Variants in CLSTN2 observed in about 807,000 individuals in gnomAD.
CLSTN2 encodes the protein calsyntenin 2.
CLSTN2 carries 48 observed loss-of-function variants against 101.2 expected under a neutral mutation model. The ratio of observed to expected loss-of-function variants is 0.47; its 90% CI spans 0.38 to 0.60. The LOEUF (loss-of-function observed/expected upper bound fraction) is 0.60. Ranked by LOEUF, CLSTN2 falls within the 20% of genes least tolerant of loss-of-function variation. The pLI is 0.00. For missense variants in CLSTN2, 1,160 were observed against 1,238.2 expected (o/e 0.94, Z 0.95); for synonymous variants, 481 against 463.6 (o/e 1.04, Z -0.48).
rs551872080 is a variant in CLSTN2 at position 140,495,725 on chromosome 3, T to C, written c.1344+28994T>C. Reference sequence around the variant, plus strand: ...GCACCATTTATTAAATAGGGAATCCTTTCCCCATTGCTTATTTCTGCAAGG... The same window carrying C: ...GCACCATTTATTAAATAGGGAATCCCTTCCCCATTGCTTATTTCTGCAAGG... On this transcript the variant is annotated intron_variant, in intron 8 of 16. Coordinates refer to ENST00000458420, the MANE Select transcript of CLSTN2 (RefSeq NM_022131.3). 9.2e-5 allele frequency among the ~76,000 whole-genome samples: 14 copies of C among 152,356 alleles called. No individual in the cohort carries two copies. The South Asian group carries it at 2.3e-3, about 25-fold the overall frequency.
intron 1 of CLSTN2, among the ~76,000 whole-genome samples, chr3:140,138,941 G>C (rs1004525484): frequency 6.6e-5 from 10 of 152,224 alleles, no homozygotes; most frequent in Admixed American, 3.3e-4. Context: ...ATGGTATTTA[G>C]AACAGAGAAA....
intron 6 of CLSTN2, among the ~76,000 whole-genome samples, chr3:140,453,595 C>T (rs1933305184): frequency 6.6e-6 from 1 of 152,118 alleles, no homozygotes; most frequent in South Asian, 2.1e-4. Context: ...TTCAAAATAG[C>T]TAGAAGAAAG....
At chr3:140,190,302 A>G (rs1472409142) in intron 2 of CLSTN2, among the ~76,000 whole-genome samples, 1 of 152,102 alleles carries the variant, frequency 6.6e-6, no homozygotes, top group African/African-American at 2.4e-5. Flanking sequence ...AAAATTATAT[A>G]GTCTTGATTA....
At chr3:140,262,096 T>C (rs1175367576) in intron 2 of CLSTN2, among the ~76,000 whole-genome samples, 1 of 152,370 alleles carries the variant, frequency 6.6e-6, no homozygotes, top group East Asian at 1.9e-4. Flanking sequence ...CTTAGTTTTT[T>C]GATTTGGGAA....
chr3:140,223,358 T>C (rs2086291986), intron 2 of CLSTN2, among the ~76,000 whole-genome samples: 1 of 152,218 alleles, frequency 6.6e-6, no homozygotes, highest in South Asian at 2.1e-4. Flanking sequence ...TAAGTCTTTG[T>C]TGAGAGGGCT....
chr3:140,025,735 T>C (rs2107757586), intron 1 of CLSTN2, among the ~76,000 whole-genome samples: 1 of 152,342 alleles, frequency 6.6e-6, no homozygotes, highest in Admixed American at 6.5e-5. Context: ...TCCAAAATCT[T>C]CAGTGATATC....
chr3:140,355,232 C>A (rs2087657001), intron 2 of CLSTN2, among the ~76,000 whole-genome samples: 1 of 152,172 alleles, frequency 6.6e-6, no homozygotes. Flanking sequence ...ATTTCTTACT[C>A]AATTTTTTGA....
intron 1 of CLSTN2, among the ~76,000 whole-genome samples, chr3:140,101,072 A>G (rs1459004236): frequency 6.6e-6 from 1 of 152,218 alleles, no homozygotes; most frequent in African/African-American, 2.4e-5. Context: ...GGCCTCACTC[A>G]TGATGTTGGG....
intron 8 of CLSTN2, among the ~76,000 whole-genome samples, chr3:140,471,955 A>C (rs1933857977): frequency 6.6e-6 from 1 of 152,228 alleles, no homozygotes; most frequent in African/African-American, 2.4e-5. Context: ...TACTGATTTA[A>C]AAAGCTACTA....
intron 8 of CLSTN2, among the ~76,000 whole-genome samples, chr3:140,519,777 G>C (rs189470): frequency 0.2 from 31,119 of 152,064 alleles, 3,327 homozygotes; most frequent in Non-Finnish European, 0.25. Context: ...TTGCCATTCT[G>C]TGTCTTTAAA....
At chr3:140,259,435 T>C (rs1330841317) in intron 2 of CLSTN2, among the ~76,000 whole-genome samples, 1 of 151,902 alleles carries the variant, frequency 6.6e-6, no homozygotes, top group Non-Finnish European at 1.5e-5. Context: ...GATTGCGCCA[T>C]TGCACTCCAA....
At position 140,415,434 on chromosome 3, in the gene CLSTN2, T is replaced by C. The variant is rs561271926; in HGVS notation, c.638-5691T>C. On this transcript the variant is annotated intron_variant, in intron 4 of 16. Coordinates refer to ENST00000458420, the MANE Select transcript of CLSTN2 (RefSeq NM_022131.3). ...ATGGGAAAATTATTGGTAGACCATA[T>C]ATGCAATAAAGTTATCCAAAATATA... 9.8e-5 allele frequency among the ~76,000 whole-genome samples: 12 copies of C among 122,132 alleles called. No homozygotes were observed. In the South Asian group the frequency reaches 2.7e-3, roughly 28 times the overall value. The allele number at this position is 122,132 out of a possible 152,430, so 80.1% of individuals were successfully genotyped here. A position where few individuals can be genotyped will look rare whatever the true frequency, so the allele number is the denominator to read the frequency against.
chr3:140,356,493 C>T (rs923971632), intron 2 of CLSTN2, among the ~76,000 whole-genome samples: 2 of 152,114 alleles, frequency 1.3e-5, no homozygotes, highest in Non-Finnish European at 2.9e-5. Context: ...GGCGCGGTGG[C>T]TCATGCCTGT....
In CLSTN2 at chr3:140,119,389, A is replaced by C. The variant is rs1034547158; in HGVS notation, c.110-56562A>C. Among the ~76,000 whole-genome samples, 3 of 152,250 alleles carry C rather than the reference A, an allele frequency of 2.0e-5. No homozygotes were observed. In the East Asian group the frequency reaches 5.8e-4, roughly 29 times the overall value. On this transcript the variant is annotated intron_variant, in intron 1 of 16. Coordinates refer to ENST00000458420, the MANE Select transcript of CLSTN2 (RefSeq NM_022131.3). ...CTTAGGCTAGGCTGCTAAGATGTACAGACAAGACACAAGTCAAGTAATAAG... is the reference window on the plus strand; with the variant it reads ...CTTAGGCTAGGCTGCTAAGATGTACCGACAAGACACAAGTCAAGTAATAAG...
intron 2 of CLSTN2, among the ~76,000 whole-genome samples, chr3:140,230,597 G>A (rs2086362112): frequency 6.6e-6 from 1 of 152,134 alleles, no homozygotes; most frequent in Non-Finnish European, 1.5e-5. Flanking sequence ...CACCTTGTCA[G>A]ACATATTGAA....
At chr3:140,390,614 G>A (rs2088102982) in intron 2 of CLSTN2, among the ~76,000 whole-genome samples, 1 of 152,194 alleles carries the variant, frequency 6.6e-6, no homozygotes, top group Non-Finnish European at 1.5e-5. Context: ...GGACAAAATG[G>A]TGATAGTGTT....
intron 2 of CLSTN2, among the ~76,000 whole-genome samples, chr3:140,402,146 A>C (rs1382730285): frequency 3.3e-5 from 5 of 152,224 alleles, no homozygotes; most frequent in Non-Finnish European, 7.3e-5. Flanking sequence ...AACATCTTGG[A>C]AAACATTGTT....
intron 2 of CLSTN2, among the ~76,000 whole-genome samples, chr3:140,397,211 C>CCTCA (rs980607138): frequency 7.2e-5 from 11 of 152,116 alleles, no homozygotes; most frequent in African/African-American, 2.4e-4. Flanking sequence ...ACAGCTAAGT[C>CCTCA]CTCATATCTT....
At chr3:140,310,921 C>A (rs1160133220) in intron 2 of CLSTN2, among the ~76,000 whole-genome samples, 1 of 152,158 alleles carries the variant, frequency 6.6e-6, no homozygotes, top group East Asian at 1.9e-4. Flanking sequence ...TTAGGTGCTG[C>A]AGGTTCAAGA....
Sources: allele counts gnomAD v4.1 joint callset (sites outside exome capture counted in the v4.1 genomes callset), GRCh38; gene constraint gnomAD v4.1.1; transcripts MANE v1.5; gene names NCBI Gene and HGNC (gene_info 2026-07-23, HGNC 2026-07-21).